Variants in SIPA1L2 observed in about 807,000 individuals in gnomAD.
SIPA1L2 encodes signal induced proliferation associated 1 like 2.
A neutral mutation model predicts 163.9 loss-of-function variants in SIPA1L2; 56 were observed. The ratio of observed to expected loss-of-function variants is 0.34; its 90% CI spans 0.28 to 0.43. The LOEUF (loss-of-function observed/expected upper bound fraction) is 0.43, where lower values mean the gene tolerates loss of function less well. SIPA1L2 is among the 20% of genes least tolerant of loss of function. SIPA1L2 has a pLI of 1.00. For synonymous variants in SIPA1L2, 877 were observed against 865.7 expected, an observed-to-expected ratio of 1.01 and a Z score of -0.23; for missense variants, 1,974 against 2,193.5, an observed-to-expected ratio of 0.90 and a Z score of 2.00.
chr1:232,538,815 T>C (rs1657468333), intron 2 of SIPA1L2, among the ~76,000 whole-genome samples: 1 of 152,154 alleles, frequency 6.6e-6, no homozygotes, highest in Non-Finnish European at 1.5e-5. Flanking sequence ...CCATCAAGAA[T>C]GTGACAGTGG....
At chr1:232,576,027 G>A (rs993639297) in intron 1 of SIPA1L2, among the ~76,000 whole-genome samples, 2 of 152,148 alleles carry the variant, frequency 1.3e-5, no homozygotes, top group Admixed American at 6.5e-5. Flanking sequence ...TGGGGTGAGG[G>A]GAAATGGGGT....
At chr1:232,623,453 A>G (rs1215636845) in intron 1 of SIPA1L2, among the ~76,000 whole-genome samples, 1 of 151,994 alleles carries the variant, frequency 6.6e-6, no homozygotes, top group Non-Finnish European at 1.5e-5. Context: ...AAAATACAAA[A>G]AAAAATTAGC....
chr1:232,436,287 A>G (rs1301385043), intron 15 of SIPA1L2, among the ~76,000 whole-genome samples: 1 of 152,220 alleles, frequency 6.6e-6, no homozygotes, highest in Non-Finnish European at 1.5e-5. Context: ...ATCAGCTCAA[A>G]ACACGAATGC....
At chr1:232,594,653 A>T (rs777747386) in intron 1 of SIPA1L2, among the ~76,000 whole-genome samples, 3 of 151,872 alleles carry the variant, frequency 2.0e-5, no homozygotes, top group African/African-American at 4.8e-5. Flanking sequence ...ATTCTTTTTA[A>T]GTTTTTTTTT....
At chr1:232,515,664 C>T in intron 2 of SIPA1L2, 56 bp from the exon 3 acceptor site, 1 of 256,234 alleles carries the variant, frequency 3.9e-6, no homozygotes, top group Non-Finnish European at 7.4e-6. Context: ...AAGTTGAACA[C>T]ATTCTATGAT....
chr1:232,424,448 T>C (rs746687138), intron 18 of SIPA1L2, among the ~76,000 whole-genome samples: 1 of 150,830 alleles, frequency 6.6e-6, no homozygotes, highest in Non-Finnish European at 1.5e-5. Context: ...CTTCAAACAC[T>C]GTAAATGAAA....
intron 2 of SIPA1L2, among the ~76,000 whole-genome samples, chr1:232,572,750 T>C (rs79125612): frequency 0.49 from 55,404 of 112,292 alleles, 13,163 homozygotes; most frequent in African/African-American, 0.68. Context: ...TATATATATA[T>C]ATATATATAT....
chr1:232,421,796 T>G (rs1661589853), intron 18 of SIPA1L2, among the ~76,000 whole-genome samples: 1 of 152,222 alleles, frequency 6.6e-6, no homozygotes, highest in Non-Finnish European at 1.5e-5. Flanking sequence ...ACTTTTTAAC[T>G]TCAAGGGGCA....
intron 2 of SIPA1L2, among the ~76,000 whole-genome samples, chr1:232,543,291 T>C (rs1193601104): frequency 6.6e-6 from 1 of 152,226 alleles, no homozygotes; most frequent in Non-Finnish European, 1.5e-5. Flanking sequence ...TTTGTCATGA[T>C]TCAAATGAAT....
intron 2 of SIPA1L2, among the ~76,000 whole-genome samples, chr1:232,534,056 A>G (rs1250451939): frequency 6.6e-6 from 1 of 152,174 alleles, no homozygotes; most frequent in Non-Finnish European, 1.5e-5. Context: ...ATTCATATGA[A>G]ACCTCAAGGG....
At chr1:232,574,958 C>T (rs1659998365) in intron 1 of SIPA1L2, among the ~76,000 whole-genome samples, 1 of 152,204 alleles carries the variant, frequency 6.6e-6, no homozygotes, top group Admixed American at 6.5e-5. Flanking sequence ...AACTGGCACT[C>T]AAGAGACTGG....
At chr1:232,523,112 T>C (rs1667533008) in intron 2 of SIPA1L2, among the ~76,000 whole-genome samples, 1 of 152,250 alleles carries the variant, frequency 6.6e-6, no homozygotes, top group African/African-American at 2.4e-5. Flanking sequence ...TATTAGAATA[T>C]GGCTTTTGTA....
At chr1:232,406,272 C>T (rs34017759) in intron 19 of SIPA1L2, among the ~76,000 whole-genome samples, 10,680 of 152,222 alleles carry the variant, frequency 0.07, 419 homozygotes, top group East Asian at 0.1. Context: ...GCTTCATGTA[C>T]GTGGTCACGG....
chr1:232,441,107 T>A (rs1005667588), intron 14 of SIPA1L2, among the ~76,000 whole-genome samples, 184 bp downstream of exon 14: 2 of 152,262 alleles, frequency 1.3e-5, no homozygotes, highest in Non-Finnish European at 2.9e-5. Flanking sequence ...ACTAATTTGC[T>A]GTGCAACCTT....
chr1:232,629,503 G>A (rs987920895), intron 1 of SIPA1L2, among the ~76,000 whole-genome samples: 3 of 152,200 alleles, frequency 2.0e-5, no homozygotes, highest in South Asian at 2.1e-4. Flanking sequence ...AAGCTGCGTC[G>A]GGCAACCGCG....
intron 2 of SIPA1L2, among the ~76,000 whole-genome samples, chr1:232,553,200 G>A (rs941206985): frequency 1.3e-5 from 2 of 152,106 alleles, no homozygotes; most frequent in Non-Finnish European, 2.9e-5. Context: ...TCTTCCCCTG[G>A]AGTTTGGCCA....
chr1:232,535,484 C>T (rs1558251702), intron 2 of SIPA1L2, among the ~76,000 whole-genome samples: 1 of 152,052 alleles, frequency 6.6e-6, no homozygotes, highest in Non-Finnish European at 1.5e-5. Flanking sequence ...AAACCAAAAT[C>T]GCAGTTTTCT....
intron 4 of SIPA1L2, among the ~76,000 whole-genome samples, 165 bp from the exon 5 acceptor site, chr1:232,491,227 A>C (rs1665914261): frequency 6.6e-6 from 1 of 152,198 alleles, no homozygotes; most frequent in Admixed American, 6.5e-5. Flanking sequence ...ATCAACACTC[A>C]AGGAGTCTTT....
chr1:232,544,736 T>C (rs1014861169), intron 2 of SIPA1L2, among the ~76,000 whole-genome samples: 2 of 152,140 alleles, frequency 1.3e-5, no homozygotes, highest in African/African-American at 4.8e-5. Context: ...CCTATTTTAC[T>C]AGCAAATAAA....
Sources: allele counts gnomAD v4.1 joint callset (sites outside exome capture counted in the v4.1 genomes callset), GRCh38; gene constraint gnomAD v4.1.1; transcripts MANE v1.5; gene names NCBI Gene and HGNC (gene_info 2026-07-23, HGNC 2026-07-21).